The following SAMD4A variants were observed in gnomAD, a reference collection of about 807,000 sequenced individuals.
SAMD4A encodes protein Smaug homolog 1.
A neutral mutation model predicts 81.3 loss-of-function variants in SAMD4A; 33 were observed. The observed-to-expected ratio is 0.41, with a 90% confidence interval of 0.31 to 0.54. The LOEUF (loss-of-function observed/expected upper bound fraction) is 0.54, where lower values mean the gene tolerates loss of function less well. Ranked by LOEUF, SAMD4A falls within the 20% of genes least tolerant of loss-of-function variation. The pLI, the probability that SAMD4A is intolerant of heterozygous loss-of-function variation, is 0.37. For missense variants in SAMD4A, 854 were observed against 951.1 expected (o/e 0.90, Z 1.34); for synonymous variants, 389 against 382.1 (o/e 1.02, Z -0.21).
intron 2 of SAMD4A, among the ~76,000 whole-genome samples, chr14:54,589,013 A>G (rs978745846): frequency 3.3e-5 from 5 of 152,226 alleles, no homozygotes; most frequent in African/African-American, 1.2e-4. Flanking sequence ...AGTTATTAAA[A>G]TGTATACAAC....
At position 54,702,254 on chromosome 14, in the gene SAMD4A, T is replaced by A; in HGVS notation, c.389T>A (p.Leu130Ter). ...EESRQLLSYALIHPATSLEDR... is the reference protein window; with the variant it reads ...EESRQLLSYA The stretch of plus-strand genomic sequence containing the variant: ...AGCAGGCAGCTGCTGTCCTATGCTT[T>A]GATACATCCAGCCACTTCGTTAGAA... The change falls in exon 3 of 13, where the codon TTG (leucine) becomes TAG (stop). Residue 130 changes from leucine to a stop codon, truncating the protein, a stop_gained. Coordinates refer to ENST00000554335, the MANE Select transcript of SAMD4A (RefSeq NM_015589.6). LOFTEE classifies it high-confidence loss of function. The A allele has an allele frequency of 6.2e-7, 1 of 1,614,186 alleles. No individual in the cohort carries two copies. Among genetic ancestry groups the A allele is most frequent in the Non-Finnish European group, 8.5e-7 (1 of 1,180,030 alleles).
intron 11 of SAMD4A, among the ~76,000 whole-genome samples, chr14:54,782,048 G>C (rs917289808): frequency 6.6e-6 from 1 of 152,166 alleles, no homozygotes; most frequent in Non-Finnish European, 1.5e-5. Flanking sequence ...GAGAAGAAGC[G>C]AACACCCCCA....
At chr14:54,668,709 G>A (rs1380021648) in intron 2 of SAMD4A, 1 of 152,232 alleles carries the variant, frequency 6.6e-6, no homozygotes, top group East Asian at 1.9e-4. Flanking sequence ...GGCACTTACT[G>A]TTTTAATTTA....
intron 2 of SAMD4A, among the ~76,000 whole-genome samples, chr14:54,578,017 T>G (rs1447149656): frequency 6.6e-6 from 1 of 152,236 alleles, no homozygotes; most frequent in Non-Finnish European, 1.5e-5. Context: ...GCCTTTAGCA[T>G]CAAGCAGAAT....
At chr14:54,745,133 C>T (rs1361739733) in intron 4 of SAMD4A, among the ~76,000 whole-genome samples, 1 of 152,232 alleles carries the variant, frequency 6.6e-6, no homozygotes, top group East Asian at 1.9e-4. Context: ...CCTTCACTGT[C>T]ACCATCCGCC....
chr14:54,727,211 G>C (rs1284705590), intron 3 of SAMD4A, among the ~76,000 whole-genome samples: 3 of 57,658 alleles, frequency 5.2e-5, no homozygotes, highest in Non-Finnish European at 7.3e-5. Flanking sequence ...TTTTTTTGAG[G>C]TGGAGTCTCA....
At chr14:54,625,934 A>G (rs977284531) in intron 2 of SAMD4A, among the ~76,000 whole-genome samples, 2 of 151,896 alleles carry the variant, frequency 1.3e-5, no homozygotes, top group African/African-American at 4.8e-5. Context: ...GAAGCATGCT[A>G]AGCAAAGTCT....
chr14:54,590,358 G>A (rs2033742348), intron 2 of SAMD4A, among the ~76,000 whole-genome samples: 1 of 152,150 alleles, frequency 6.6e-6, no homozygotes, highest in Non-Finnish European at 1.5e-5. Context: ...GGGCATGGTG[G>A]TGTGTGCCTG....
chr14:54,565,513 C>G (rs1449550770), upstream of SAMD4A, among the ~76,000 whole-genome samples: 1 of 152,324 alleles, frequency 6.6e-6, no homozygotes, highest in Admixed American at 6.5e-5. The surrounding 1 kb of genome is among the most constrained non-coding windows in gnomAD (Gnocchi z 5.4). Flanking sequence ...CTGGGCAGGT[C>G]CAACCCTGCG....
chr14:54,737,389 C>T (rs1006271846), intron 4 of SAMD4A, 102 bp downstream of exon 4: 14 of 1,372,588 alleles, frequency 1.0e-5, no homozygotes, highest in Non-Finnish European at 1.4e-5. Context: ...AAGGAGCCCA[C>T]CCCTTCCCCA....
chr14:54,626,488 G>A (rs574309636), intron 2 of SAMD4A, among the ~76,000 whole-genome samples: 1 of 152,286 alleles, frequency 6.6e-6, no homozygotes, highest in South Asian at 2.1e-4. Flanking sequence ...TTCAGGAAGG[G>A]AGAGTGGCTT....
At chr14:54,677,883 G>A (rs576465959) in intron 2 of SAMD4A, among the ~76,000 whole-genome samples, 25 of 152,286 alleles carry the variant, frequency 1.6e-4, no homozygotes, top group Middle Eastern at 3.4e-3. Flanking sequence ...ACTAGTATCT[G>A]AATCCTTTCT....
At chr14:54,645,155 C>T (rs898056940) in intron 2 of SAMD4A, among the ~76,000 whole-genome samples, 3 of 151,988 alleles carry the variant, frequency 2.0e-5, no homozygotes, top group African/African-American at 7.3e-5. Context: ...GAATAGGACC[C>T]AAGGACTTAA....
chr14:54,758,212 G>A (rs896801425), intron 6 of SAMD4A, among the ~76,000 whole-genome samples: 17 of 152,154 alleles, frequency 1.1e-4, no homozygotes, highest in Admixed American at 2.6e-4. Context: ...TAAACCCTTC[G>A]TGCCAACTAG....
At chr14:54,757,134 T>C (rs1289197981) in intron 6 of SAMD4A, among the ~76,000 whole-genome samples, 1 of 152,212 alleles carries the variant, frequency 6.6e-6, no homozygotes, top group Non-Finnish European at 1.5e-5. Flanking sequence ...TGTTTCCTTC[T>C]CAATTTGGGC....
intron 2 of SAMD4A, among the ~76,000 whole-genome samples, chr14:54,665,217 T>G (rs190379366): frequency 1.3e-5 from 2 of 152,344 alleles, no homozygotes; most frequent in African/African-American, 4.8e-5. Context: ...CATATGAATG[T>G]GCTATAATTA....
intron 3 of SAMD4A, chr14:54,702,875 A>T: frequency 2.8e-6 from 1 of 358,056 alleles, no homozygotes; most frequent in Non-Finnish European, 5.1e-6. Context: ...CACAATCAGA[A>T]ATGCATTTCA....
chr14:54,757,278 A>G (rs2139844644), intron 6 of SAMD4A, among the ~76,000 whole-genome samples: 1 of 152,260 alleles, frequency 6.6e-6, no homozygotes, highest in East Asian at 1.9e-4. Context: ...TCTTTGAGAC[A>G]ATGGCTTGAT....
In SAMD4A at chr14:54,754,471, C is replaced by T. The variant is rs545199687; in HGVS notation, c.1176+2934C>T. 3.3e-5 allele frequency among the ~76,000 whole-genome samples: 5 copies of T among 152,258 alleles called. No individual in the cohort carries two copies. In the South Asian group the frequency reaches 1.0e-3, roughly 32 times the overall value. ...AATGTTTGGACATCCTGTATATTGT[C>T]CCTGCGTGAGCTGATGAGATGGGGT... On this transcript the variant is annotated intron_variant, in intron 6 of 12. Coordinates refer to ENST00000554335, the MANE Select transcript of SAMD4A (RefSeq NM_015589.6).
Sources: allele counts gnomAD v4.1 joint callset (sites outside exome capture counted in the v4.1 genomes callset), GRCh38; gene constraint gnomAD v4.1.1; non-coding constraint Gnocchi (gnomAD v3.1); transcripts MANE v1.5; gene names NCBI Gene and HGNC (gene_info 2026-07-23, HGNC 2026-07-21).